Variants in ARHGAP18 observed in about 807,000 individuals in gnomAD.
ARHGAP18 encodes rho GTPase-activating protein 18.
A neutral mutation model predicts 86.2 loss-of-function variants in ARHGAP18; 67 were observed. That is an observed-to-expected ratio of 0.78 (90% CI 0.64 to 0.95). ARHGAP18 has a LOEUF of 0.95. ARHGAP18 is among the 40% of genes least tolerant of loss of function. ARHGAP18 has a pLI of 0.00. For missense variants in ARHGAP18, 691 were observed against 780.4 expected (o/e 0.89, Z 1.37); for synonymous variants, 283 against 280.4 (o/e 1.01, Z -0.09).
intron 1 of ARHGAP18, among the ~76,000 whole-genome samples, chr6:129,674,865 C>T (rs187040338): frequency 6.6e-6 from 1 of 152,286 alleles, no homozygotes; most frequent in East Asian, 1.9e-4. Context: ...CATCAGTTCG[C>T]TATCACATAT....
At position 129,620,256 on chromosome 6, in the gene ARHGAP18, C is replaced by T. The variant is rs557985876; in HGVS notation, c.787-1404G>A. 3.9e-5 allele frequency among the ~76,000 whole-genome samples: 6 copies of T among 152,294 alleles called. No individual in the cohort carries two copies. The South Asian group carries it at 1.2e-3, about 32-fold the overall frequency. On this transcript the variant is annotated intron_variant, in intron 5 of 14. Transcript: ENST00000368149. ...AATATTTTAACTAATTTGAATGAAA[C>T]TAATTTTGTGTTAAGTACTTATGTG...
chr6:129,693,090 C>T (rs1182219297), intron 1 of ARHGAP18, among the ~76,000 whole-genome samples: 2 of 152,168 alleles, frequency 1.3e-5, no homozygotes, highest in South Asian at 2.1e-4. Context: ...GGCTTTACTA[C>T]ATGAAAAAGA....
intron 12 of ARHGAP18, among the ~76,000 whole-genome samples, chr6:129,593,424 G>A (rs1788557162): frequency 6.6e-6 from 1 of 152,116 alleles, no homozygotes; most frequent in Admixed American, 6.6e-5. Flanking sequence ...TTGCACCATT[G>A]CACTTCAGCC....
chr6:129,688,928 T>C lies in ARHGAP18; in HGVS notation c.113+21096A>G, dbSNP rs1774479764. Reference sequence around the variant, plus strand: ...ATGCTAAGAGCACTGCATCTAACTATTGTCTAATATAAAAACTTCTATTTT... The same window carrying C: ...ATGCTAAGAGCACTGCATCTAACTACTGTCTAATATAAAAACTTCTATTTT... On this transcript the variant is annotated intron_variant, in intron 1 of 14. Coordinates refer to ENST00000368149, the MANE Select transcript of ARHGAP18 (RefSeq NM_033515.3). Among the ~76,000 whole-genome samples the C allele has an allele frequency of 2.0e-5, 3 of 152,302 alleles. No individual in the cohort carries two copies. In the South Asian group the frequency reaches 6.2e-4, roughly 32 times the overall value.
At chr6:129,624,592 T>C (rs61158675) in intron 5 of ARHGAP18, among the ~76,000 whole-genome samples, 9,716 of 151,996 alleles carry the variant, frequency 0.064, 835 homozygotes, top group African/African-American at 0.2. Context: ...ATCATCATTT[T>C]AGGCCACACT....
chr6:129,698,211 T>C (rs1188717778), intron 1 of ARHGAP18, among the ~76,000 whole-genome samples: 1 of 152,204 alleles, frequency 6.6e-6, no homozygotes. Context: ...GCTTATCATT[T>C]GTACCTAGCA....
intron 1 of ARHGAP18, among the ~76,000 whole-genome samples, chr6:129,697,151 C>G (rs555526174): frequency 1.4e-4 from 21 of 152,236 alleles, no homozygotes; most frequent in African/African-American, 5.1e-4. Flanking sequence ...CTCAGGGAGC[C>G]CAAGCCATCC....
At position 129,629,590 on chromosome 6, in the gene ARHGAP18, A is replaced by G; in HGVS notation, c.617-68T>C. On this transcript the variant is annotated intron_variant, in intron 4 of 14. Transcript: ENST00000368149. ...TATTTTTTAAAAAAAATTCTAATGC[A>G]TTCGCTACATAAAAACATTTGGGAA... The G allele has an allele frequency of 2.0e-6, 3 of 1,487,102 alleles. 1 individual carries two copies. The South Asian group carries it at 3.9e-5, about 19-fold the overall frequency. 92.1% of individuals were successfully genotyped at this position (1,487,102 alleles called of 1,614,324 possible). A position where few individuals can be genotyped will look rare whatever the true frequency, so the allele number is the denominator to read the frequency against.
At chr6:129,684,657 A>G (rs1774395900) in intron 1 of ARHGAP18, among the ~76,000 whole-genome samples, 1 of 152,190 alleles carries the variant, frequency 6.6e-6, no homozygotes, top group Non-Finnish European at 1.5e-5. Context: ...GGTCCTCCAA[A>G]ACAGCATTAA....
At chr6:129,698,800 C>T (rs1210023367) in intron 1 of ARHGAP18, among the ~76,000 whole-genome samples, 1 of 149,140 alleles carries the variant, frequency 6.7e-6, no homozygotes, top group Non-Finnish European at 1.5e-5. Flanking sequence ...TCAAGTAATT[C>T]TCCTGCCTCA....
At position 129,584,065 on chromosome 6, in the gene ARHGAP18, C is replaced by T. The variant is rs375152621; in HGVS notation, c.1761G>A (p.Ser587=). The T allele has an allele frequency of 7.7e-5, 124 of 1,613,570 alleles. No individual in the cohort carries two copies. The highest frequency in any genetic ancestry group is 3.3e-5 in the Admixed American group (2 of 59,934). ...TTAGCTGTATTGCCATGGAAACTTT[C>T]GAAAGATGGGGAGCTTGCACTCGAA... ...GVIRVQAPHL[S]KVSMAIQLTE... The change falls in exon 13 of 15, where the codon TCG becomes TCA. Residue 587 remains serine (S), a synonymous_variant. Coordinates refer to ENST00000368149, the MANE Select transcript of ARHGAP18 (RefSeq NM_033515.3).
chr6:129,675,799 C>A (rs1318325755), intron 1 of ARHGAP18, among the ~76,000 whole-genome samples: 1 of 152,170 alleles, frequency 6.6e-6, no homozygotes, highest in Non-Finnish European at 1.5e-5. Context: ...CCTATGTCTA[C>A]CTGAGCTGTC....
intron 5 of ARHGAP18, among the ~76,000 whole-genome samples, chr6:129,623,006 C>CA (rs57274879): frequency 0.038 from 1,508 of 39,750 alleles, 10 homozygotes; most frequent in South Asian, 0.061. Flanking sequence ...CATCTCAAAA[C>CA]AAAAAAAAAA....
chr6:129,681,877 G>A lies in ARHGAP18; in HGVS notation c.113+28147C>T, dbSNP rs577348007. ...TCCCTTCTTCTTCATTTATTGGCTTGCCTTCACCTAGCAGAAGTTTCAGGC... is the reference window on the plus strand; with the variant it reads ...TCCCTTCTTCTTCATTTATTGGCTTACCTTCACCTAGCAGAAGTTTCAGGC... On this transcript the variant is annotated intron_variant, in intron 1 of 14. Transcript: ENST00000368149. 1.8e-4 allele frequency among the ~76,000 whole-genome samples: 28 copies of A among 152,280 alleles called. No homozygotes were observed. The East Asian group carries it at 5.0e-3, about 27-fold the overall frequency.
At chr6:129,686,432 C>A (rs1052099018) in intron 1 of ARHGAP18, among the ~76,000 whole-genome samples, 1 of 152,168 alleles carries the variant, frequency 6.6e-6, no homozygotes, top group African/African-American at 2.4e-5. Context: ...CCAAATCTCA[C>A]CAATCAGAGG....
intron 1 of ARHGAP18, among the ~76,000 whole-genome samples, chr6:129,643,755 C>A (rs1054588375): frequency 6.6e-6 from 1 of 151,700 alleles, no homozygotes; most frequent in Non-Finnish European, 1.5e-5. Context: ...AAAATTACAA[C>A]AAAATAATAG....
At chr6:129,674,480 C>T (rs1045406747) in intron 1 of ARHGAP18, among the ~76,000 whole-genome samples, 3 of 152,180 alleles carry the variant, frequency 2.0e-5, no homozygotes, top group African/African-American at 7.2e-5. Flanking sequence ...TCCATGAGTT[C>T]CACATCTGTG....
chr6:129,594,619 C>T (rs769650588), intron 12 of ARHGAP18, among the ~76,000 whole-genome samples: 17 of 152,238 alleles, frequency 1.1e-4, no homozygotes, highest in Non-Finnish European at 2.1e-4. Flanking sequence ...CACACAGGCA[C>T]GTTAACCCAA....
chr6:129,694,625 A>G (rs1420152349), intron 1 of ARHGAP18, among the ~76,000 whole-genome samples: 1 of 152,200 alleles, frequency 6.6e-6, no homozygotes, highest in Non-Finnish European at 1.5e-5. Context: ...AAACGCTTAA[A>G]ATGCTATTAA....
Sources: gnomAD v4.1 joint callset for allele counts (sites outside exome capture counted in the v4.1 genomes callset) on GRCh38, gnomAD v4.1.1 for gene constraint, MANE v1.5 for transcripts, NCBI Gene and HGNC (gene_info 2026-07-23, HGNC 2026-07-21) for gene names.